Variants in ASPH observed in about 807,000 individuals in gnomAD.
ASPH encodes the protein aspartate beta-hydroxylase, also known as aspartyl/asparaginyl beta-hydroxylase.
In ASPH, 100 loss-of-function variants were observed where a neutral mutation model predicts 118.4. The ratio of observed to expected loss-of-function variants is 0.84; its 90% CI spans 0.72 to 1.00. The LOEUF (loss-of-function observed/expected upper bound fraction) is 1.00, where lower values mean the gene tolerates loss of function less well. ASPH is among the 50% of genes least tolerant of loss of function. ASPH has a pLI of 0.00. For synonymous variants in ASPH, 315 were observed against 325.6 expected (o/e 0.97, Z 0.35); for missense variants, 920 against 919.5 (o/e 1.00, Z -0.01).
chr8:61,646,501 T>C (rs1273013117), intron 6 of ASPH, among the ~76,000 whole-genome samples: 5 of 152,090 alleles, frequency 3.3e-5, no homozygotes, highest in African/African-American at 1.2e-4. Flanking sequence ...GTAAAACTAG[T>C]TTCCTCAAGT....
At chr8:61,600,386 A>G (rs573559250) in intron 14 of ASPH, among the ~76,000 whole-genome samples, 1 of 146,830 alleles carries the variant, frequency 6.8e-6, no homozygotes, top group East Asian at 1.9e-4. Context: ...CCAGAGCAAA[A>G]GGGCAAGAAA....
chr8:61,709,333 G>T (rs1477984644), intron 1 of ASPH, among the ~76,000 whole-genome samples: 1 of 152,086 alleles, frequency 6.6e-6, no homozygotes, highest in Non-Finnish European at 1.5e-5. Flanking sequence ...CCAGAAGAAA[G>T]TATAATTAAA....
intron 14 of ASPH, among the ~76,000 whole-genome samples, chr8:61,589,885 G>A (rs939804698): frequency 6.6e-6 from 1 of 152,164 alleles, no homozygotes; most frequent in African/African-American, 2.4e-5. Context: ...TGAATGAGGA[G>A]TGGTACTAAT....
chr8:61,575,884 C>T (rs1834984975), intron 16 of ASPH, among the ~76,000 whole-genome samples: 1 of 152,044 alleles, frequency 6.6e-6, no homozygotes, highest in Non-Finnish European at 1.5e-5. Flanking sequence ...AAAGGTACCA[C>T]CTCTGTAGGC....
chr8:61,621,565 C>A (rs1588202144), intron 13 of ASPH, among the ~76,000 whole-genome samples: 1 of 152,288 alleles, frequency 6.6e-6, no homozygotes, highest in Admixed American at 6.5e-5. Context: ...ATGACTTGAG[C>A]ACGTATTATA....
At chr8:61,677,812 T>C (rs1245093457) in intron 3 of ASPH, among the ~76,000 whole-genome samples, 1 of 152,172 alleles carries the variant, frequency 6.6e-6, no homozygotes, top group Non-Finnish European at 1.5e-5. Context: ...TTTCTCCATT[T>C]GCCAATATAT....
intron 1 of ASPH, among the ~76,000 whole-genome samples, chr8:61,706,455 AAGG>A (rs1554594967): frequency 7.0e-6 from 1 of 142,138 alleles, no homozygotes; most frequent in Non-Finnish European, 1.5e-5. Context: ...GAAGAAGAAG[AAGG>A]AGGAAGAGGA....
intron 13 of ASPH, 63 bp from the exon 14 acceptor site, chr8:61,619,082 T>C (rs746015978): frequency 2.6e-5 from 30 of 1,143,258 alleles, no homozygotes; most frequent in Non-Finnish European, 3.6e-5. Flanking sequence ...TCTCAAAATA[T>C]AGGACAATAT....
intron 3 of ASPH, among the ~76,000 whole-genome samples, chr8:61,676,822 C>A (rs187431774): frequency 3.6e-4 from 55 of 152,162 alleles, no homozygotes; most frequent in African/African-American, 1.3e-3. Flanking sequence ...CCCCTCCCCC[C>A]ACCACCACCC....
chr8:61,663,817 CT>C (rs1818143615), intron 3 of ASPH: 13 of 981,760 alleles, frequency 1.3e-5, no homozygotes, highest in Non-Finnish European at 1.6e-5. Context: ...TTTCTGTCAA[CT>C]AAATGTCGTA....
chr8:61,550,477 AAGAG>A (rs36069979), intron 20 of ASPH, among the ~76,000 whole-genome samples: 121 of 148,034 alleles, frequency 8.2e-4, no homozygotes, highest in African/African-American at 2.4e-3. Flanking sequence ...ACATAAGAGA[AAGAG>A]AGAGAGAGAG....
At position 61,501,467 on chromosome 8, in the gene ASPH, T is replaced by C. The variant is rs1375626336; in HGVS notation, c.*1892A>G. On this transcript the variant is annotated 3_prime_UTR_variant, in exon 25 of 25. Transcript: ENST00000379454. ...ATAATTTCATTACATGAATGTAAGA[T>C]GATGGCTCAAAAATGACGACTTATA... is the stretch of plus-strand genomic sequence containing the variant. 6.6e-6 allele frequency: 1 copy of C among 152,162 alleles called. No individual in the cohort carries two copies. Among genetic ancestry groups the C allele is most frequent in the Non-Finnish European group, 1.5e-5 (1 of 68,020 alleles). The allele number at this position is 152,162 out of a possible 1,614,324, so 9.4% of individuals were successfully genotyped here.
chr8:61,711,688 C>T (rs916197905), intron 1 of ASPH, among the ~76,000 whole-genome samples: 2 of 151,748 alleles, frequency 1.3e-5, no homozygotes, highest in Admixed American at 6.6e-5. Flanking sequence ...CCCTAAAATG[C>T]ATGTTTCAAA....
chr8:61,683,035 T>C (rs1474101688), intron 2 of ASPH, among the ~76,000 whole-genome samples: 1 of 152,108 alleles, frequency 6.6e-6, no homozygotes, highest in Non-Finnish European at 1.5e-5. Flanking sequence ...AGCCATAAAA[T>C]GAAGTACTGA....
intron 13 of ASPH, among the ~76,000 whole-genome samples, chr8:61,619,969 CAGGGATGCGGTCA>C (rs1295460393): frequency 3.3e-5 from 5 of 152,288 alleles, no homozygotes; most frequent in African/African-American, 9.6e-5. Context: ...TCGGTGAGAT[CAGGGATGCGGTCA>C]AGTGAACATT....
chr8:61,692,902 T>C (rs769314660), intron 1 of ASPH, among the ~76,000 whole-genome samples: 2 of 151,888 alleles, frequency 1.3e-5, no homozygotes, highest in Admixed American at 6.6e-5. Flanking sequence ...AAGTAGTTCT[T>C]GCTTTTACCA....
chr8:61,645,307 C>G (rs777570568), intron 6 of ASPH, among the ~76,000 whole-genome samples: 6 of 152,116 alleles, frequency 3.9e-5, no homozygotes, highest in Non-Finnish European at 8.8e-5. Flanking sequence ...AGTGTTTCTT[C>G]CTACTCCCAA....
intron 5 of ASPH, among the ~76,000 whole-genome samples, chr8:61,649,205 G>C (rs559325870): frequency 2.0e-5 from 3 of 152,162 alleles, no homozygotes; most frequent in African/African-American, 7.2e-5. Context: ...ATCAGTGCTG[G>C]GGCAATGCTG....
chr8:61,703,886 G>C (rs1028462476), intron 1 of ASPH, among the ~76,000 whole-genome samples: 6 of 152,130 alleles, frequency 3.9e-5, no homozygotes, highest in African/African-American at 1.4e-4. Flanking sequence ...TATAGCTAGA[G>C]TAATCAAGAT....
Sources: allele counts gnomAD v4.1 joint callset (sites outside exome capture counted in the v4.1 genomes callset), GRCh38; gene constraint gnomAD v4.1.1; transcripts MANE v1.5; gene names NCBI Gene and HGNC (gene_info 2026-07-23, HGNC 2026-07-21).